The following OR13C2 variants were observed in gnomAD, a reference collection of about 807,000 sequenced individuals.
OR13C2 encodes olfactory receptor family 13 subfamily C member 2.
In OR13C2, 9 loss-of-function variants were observed where a neutral mutation model predicts 12.8. The ratio of observed to expected loss-of-function variants is 0.71; its 90% CI spans 0.43 to 1.23. The LOEUF (loss-of-function observed/expected upper bound fraction) is 1.23, where lower values mean the gene tolerates loss of function less well. Among genes scored for constraint, OR13C2 ranks in the 50% most tolerant of loss-of-function variants. OR13C2 has a pLI of 0.00. For missense variants in OR13C2, 333 were observed against 387.0 expected (o/e 0.86, Z 1.17); for synonymous variants, 110 against 138.0 (o/e 0.80, Z 1.42).
Position 104,605,573 on chromosome 9 carries a change from C to A in OR13C2, c.55G>T (p.Gly19Cys). Residue 19 changes from glycine to cysteine, a missense_variant, in exon 1 of 1, where the codon GGT becomes TGT. Gly to Cys is a radical substitution (Grantham distance 159). Transcript: ENST00000542196. ...AAGAGTAACTCAAGTCTTGGGTGAC[C>A]AGAAAGTCCCTTCAGAAAAAATTCC... ...LVEFFLKGLS[G>C]HPRLELLFFV... is the part of the protein sequence containing the mutation. The A allele has an allele frequency of 1.9e-6, 3 of 1,584,392 alleles. No individual in the cohort carries two copies. The highest frequency in any genetic ancestry group is 2.6e-6 in the Non-Finnish European group (3 of 1,168,100).
rs1463736197 is a variant in OR13C2 at position 104,604,845 on chromosome 9, C to A, written c.783G>T (p.Lys261Asn). ...FYGTILFMYMKPKSKETLNSD... is the reference protein window; with the variant it reads ...FYGTILFMYMNPKSKETLNSD... ...AATTAAGTGTCTCTTTAGACTTGGGCTTCATGTACATGAAGAGGATGGTCC... is the reference window on the plus strand; with the variant it reads ...AATTAAGTGTCTCTTTAGACTTGGGATTCATGTACATGAAGAGGATGGTCC... The change falls in exon 1 of 1, where the codon AAG becomes AAT. Residue 261 changes from lysine to asparagine, a missense_variant. Physicochemically the swap from Lys to Asn is moderately conservative, Grantham distance 94. Coordinates refer to ENST00000542196, the MANE Select transcript of OR13C2 (RefSeq NM_001004481.1). The A allele has an allele frequency of 6.2e-7, 1 of 1,613,446 alleles. No individual in the cohort carries two copies. The highest frequency in any genetic ancestry group is 8.5e-7 in the Non-Finnish European group (1 of 1,179,934).
Position 104,604,910 on chromosome 9 carries a change from T to C in OR13C2, c.718A>G (p.Thr240Ala), listed in dbSNP as rs1826311488. 4 of 1,613,462 alleles carry C rather than the reference T, an allele frequency of 2.5e-6. No individual in the cohort carries two copies. The highest frequency in any genetic ancestry group is 3.3e-5 in the Admixed American group (2 of 59,972). The change falls in exon 1 of 1, where the codon ACC becomes GCC. Residue 240 changes from threonine (T) to alanine (A), a missense_variant. By Grantham distance (58) the Thr-to-Ala change is moderately conservative. Transcript: ENST00000542196. ...SSEGRSKASS[T>A]CSAHLTVVII... is the part of the protein sequence containing the mutation. The stretch of plus-strand genomic sequence containing the variant: ...ACCACAGTCAGATGGGCTGAACAGG[T>C]AGAGGAAGCTTTGCTTCTCCCCTCG...
At position 104,604,899 on chromosome 9, in the gene OR13C2, G is replaced by A. The variant is rs765110802; in HGVS notation, c.729C>T (p.Ala243=). 7 of 1,613,554 alleles carry A rather than the reference G, an allele frequency of 4.3e-6. No homozygotes were observed. Among genetic ancestry groups the A allele is most frequent in the Non-Finnish European group, 5.9e-6 (7 of 1,179,958 alleles). The part of the protein sequence containing the change: ...GRSKASSTCS[A]HLTVVIIFYG... ...AGAATATTATGACCACAGTCAGATG[G>A]GCTGAACAGGTAGAGGAAGCTTTGC... The change falls in exon 1 of 1, where the codon GCC becomes GCT. Residue 243 remains alanine (A), a synonymous_variant. Coordinates refer to ENST00000542196, the MANE Select transcript of OR13C2 (RefSeq NM_001004481.1).
At position 104,605,080 on chromosome 9, in the gene OR13C2, G is replaced by A; in HGVS notation, c.548C>T (p.Ala183Val). ...GTCAGCACAGGCCAGTTTCATGACA[G>A]CCAGAATTTCACAGGTGAAATGATT... ...IINHFTCEIL[A>V]VMKLACADIS... Residue 183 changes from alanine to valine, a missense_variant, in exon 1 of 1, where the codon GCT becomes GTT. By Grantham distance (64) the Ala-to-Val change is moderately conservative (BLOSUM62 0). Transcript: ENST00000542196. The A allele has an allele frequency of 1.2e-6, 2 of 1,612,610 alleles. No individual in the cohort carries two copies.
At position 104,605,017 on chromosome 9, in the gene OR13C2, G is replaced by C. The variant is rs1258461346; in HGVS notation, c.611C>G (p.Thr204Arg). 1.5e-5 allele frequency: 24 copies of C among 1,613,576 alleles called. No individual in the cohort carries two copies. Among genetic ancestry groups the C allele is most frequent in the Non-Finnish European group, 1.9e-5 (23 of 1,179,978 alleles). Residue 204 changes from threonine (T) to arginine (R), a missense_variant, in exon 1 of 1, where the codon ACA (threonine) becomes AGA (arginine). Coordinates refer to ENST00000542196, the MANE Select transcript of OR13C2 (RefSeq NM_001004481.1). ...TAACAAAGGTGTCAATATGAACAAT[G>C]TTGTGGCCACAAGCATGATGAACTC... is the stretch of plus-strand genomic sequence containing the variant. Reference protein sequence around the residue: ...DNEFIMLVATTLFILTPLLLI... With the variant: ...DNEFIMLVATRLFILTPLLLI...
rs1173509687 is a variant in OR13C2, at chr9:104,605,036, T to G, written c.592A>C (p.Ile198Leu). 3.7e-6 allele frequency: 6 copies of G among 1,613,710 alleles called. No individual in the cohort carries two copies. In the South Asian group the frequency reaches 4.4e-5, roughly 12 times the overall value. ...AACAATGTTGTGGCCACAAGCATGATGAACTCATTGTCTGAGATGTCAGCA... is the reference window on the plus strand; with the variant it reads ...AACAATGTTGTGGCCACAAGCATGAGGAACTCATTGTCTGAGATGTCAGCA... ...ACADISDNEF[I>L]MLVATTLFIL... is the part of the protein sequence containing the mutation. Residue 198 changes from isoleucine (I) to leucine (L), a missense_variant, in exon 1 of 1, where the codon ATC becomes CTC. By Grantham distance (5) the Ile-to-Leu change is conservative (BLOSUM62 2). Coordinates refer to ENST00000542196, the MANE Select transcript of OR13C2 (RefSeq NM_001004481.1).
At position 104,605,146 on chromosome 9, in the gene OR13C2, A is replaced by T. The variant is rs770937262; in HGVS notation, c.482T>A (p.Val161Glu). The T allele has an allele frequency of 1.2e-6, 2 of 1,612,564 alleles. No individual in the cohort carries two copies. The highest frequency in any genetic ancestry group is 3.3e-5 in the Admixed American group (2 of 59,944). Reference sequence around the variant, plus strand: ...GCAGAAAGGCAATTGTACCACAAACACTGATTGTACTGCAGAATTGACAGC... The same window carrying T: ...GCAGAAAGGCAATTGTACCACAAACTCTGATTGTACTGCAGAATTGACAGC... Reference protein sequence around the residue: ...IGAVNSAVQSVFVVQLPFCRN... With the variant: ...IGAVNSAVQSEFVVQLPFCRN... The change falls in exon 1 of 1, where the codon GTG (valine) becomes GAG (glutamate). Residue 161 changes from valine (V) to glutamate (E), a missense_variant. Transcript: ENST00000542196.
rs145853503 is a variant in OR13C2, at chr9:104,604,982, C to T, written c.646G>A (p.Val216Ile). Residue 216 changes from valine (V) to isoleucine (I), a missense_variant, in exon 1 of 1, where the codon GTC becomes ATC. Val to Ile is a conservative substitution (Grantham distance 29). Transcript: ENST00000542196. The stretch of plus-strand genomic sequence containing the variant: ...CTCACAATGATTAACGTGTAAGAGA[C>T]AATGATTAATAACAAAGGTGTCAAT... ...FILTPLLLIIVSYTLIIVSIF... is the reference protein window; with the variant it reads ...FILTPLLLIIISYTLIIVSIF... 1.2e-6 allele frequency: 2 copies of T among 1,613,388 alleles called. No homozygotes were observed. Among genetic ancestry groups the T allele is most frequent in the African/African-American group, 2.7e-5 (2 of 74,432 alleles).
chr9:104,604,902 T>G lies in OR13C2; in HGVS notation c.726A>C (p.Ser242=). Residue 242 remains serine (S), a synonymous_variant, in exon 1 of 1, where the codon TCA becomes TCC. Coordinates refer to ENST00000542196, the MANE Select transcript of OR13C2 (RefSeq NM_001004481.1). ...ATATTATGACCACAGTCAGATGGGCTGAACAGGTAGAGGAAGCTTTGCTTC... is the reference window on the plus strand; with the variant it reads ...ATATTATGACCACAGTCAGATGGGCGGAACAGGTAGAGGAAGCTTTGCTTC... The part of the protein sequence containing the change: ...EGRSKASSTC[S]AHLTVVIIFY... 1 of 1,613,632 alleles carries G rather than the reference T, an allele frequency of 6.2e-7. No individual in the cohort carries two copies. Among genetic ancestry groups the G allele is most frequent in the Non-Finnish European group, 8.5e-7 (1 of 1,179,972 alleles).
rs768064958 is a variant in OR13C2 at position 104,604,969 on chromosome 9, A to T, written c.659T>A (p.Leu220Ter). Residue 220 changes from leucine (L) to a stop codon, truncating the protein, a stop_gained, in exon 1 of 1, where the codon TTA (leucine) becomes TAA (stop). Transcript: ENST00000542196. LOFTEE classifies it high-confidence loss of function. ...AATTTTGAAGATGCTCACAATGATT[A>T]ACGTGTAAGAGACAATGATTAATAA... ...PLLLIIVSYTLIIVSIFKISS... is the reference protein window; with the variant it reads ...PLLLIIVSYT 2.5e-6 allele frequency: 4 copies of T among 1,613,598 alleles called. No homozygotes were observed. Among genetic ancestry groups the T allele is most frequent in the Non-Finnish European group, 3.4e-6 (4 of 1,179,952 alleles).
chr9:104,605,305 C>T lies in OR13C2; in HGVS notation c.323G>A (p.Gly108Glu). 6.2e-7 allele frequency: 1 copy of T among 1,613,688 alleles called. No homozygotes were observed. The highest frequency in any genetic ancestry group is 1.1e-5 in the South Asian group (1 of 91,084). The stretch of plus-strand genomic sequence containing the variant: ...GCCCAGAAGCACACACTCTGTTGTC[C>T]CCATGGCCAAGCCGAGGAACATCTG... ...AVQMFLGLAM[G>E]TTECVLLGMM... is the part of the protein sequence containing the mutation. Residue 108 changes from glycine to glutamate, a missense_variant, in exon 1 of 1, where the codon GGG becomes GAG. Coordinates refer to ENST00000542196, the MANE Select transcript of OR13C2 (RefSeq NM_001004481.1).
chr9:104,605,021 T>C lies in OR13C2; in HGVS notation c.607A>G (p.Thr203Ala), dbSNP rs758771153. The change falls in exon 1 of 1, where the codon ACA becomes GCA. Residue 203 changes from threonine (T) to alanine (A), a missense_variant. Coordinates refer to ENST00000542196, the MANE Select transcript of OR13C2 (RefSeq NM_001004481.1). ...AAAGGTGTCAATATGAACAATGTTG[T>C]GGCCACAAGCATGATGAACTCATTG... ...SDNEFIMLVATTLFILTPLLL... is the reference protein window; with the variant it reads ...SDNEFIMLVAATLFILTPLLL... 1.2e-6 allele frequency: 2 copies of C among 1,613,696 alleles called. No individual in the cohort carries two copies. Among genetic ancestry groups the C allele is most frequent in the Non-Finnish European group, 1.7e-6 (2 of 1,179,990 alleles).
rs1367767509 is a variant in OR13C2 at position 104,605,016 on chromosome 9, T to C, written c.612A>G (p.Thr204=). Residue 204 remains threonine (T), a synonymous_variant, in exon 1 of 1, where the codon ACA becomes ACG. Coordinates refer to ENST00000542196, the MANE Select transcript of OR13C2 (RefSeq NM_001004481.1). ...ATAACAAAGGTGTCAATATGAACAA[T>C]GTTGTGGCCACAAGCATGATGAACT... is the stretch of plus-strand genomic sequence containing the variant. ...DNEFIMLVAT[T]LFILTPLLLI... 5.6e-6 allele frequency: 9 copies of C among 1,613,618 alleles called. No individual in the cohort carries two copies. Among genetic ancestry groups the C allele is most frequent in the South Asian group, 1.1e-5 (1 of 91,084 alleles).
At position 104,605,314 on chromosome 9, in the gene OR13C2, A is replaced by G; in HGVS notation, c.314T>C (p.Leu105Ser). The change falls in exon 1 of 1, where the codon TTG becomes TCG. Residue 105 changes from leucine to serine, a missense_variant. Transcript: ENST00000542196. ...SGCAVQMFLGLAMGTTECVLL... is the reference protein window; with the variant it reads ...SGCAVQMFLGSAMGTTECVLL... ...CACACACTCTGTTGTCCCCATGGCC[A>G]AGCCGAGGAACATCTGCACTGCACA... 6.2e-7 allele frequency: 1 copy of G among 1,613,710 alleles called. No individual in the cohort carries two copies. Among genetic ancestry groups the G allele is most frequent in the Non-Finnish European group, 8.5e-7 (1 of 1,180,022 alleles).
rs150330605 is a variant in OR13C2, at chr9:104,604,696, A to G, written c.932T>C (p.Leu311Pro). Residue 311 changes from leucine to proline, a missense_variant, in exon 1 of 1, where the codon CTG becomes CCG. By Grantham distance (98) the Leu-to-Pro change is moderately conservative. Coordinates refer to ENST00000542196, the MANE Select transcript of OR13C2 (RefSeq NM_001004481.1). Reference sequence around the variant, plus strand: ...TCACTTGCTAAAGAACCTTCTGTTCAGTAGGTGTTTTACTGCCTCTTTCAC... The same window carrying G: ...TCACTTGCTAAAGAACCTTCTGTTCGGTAGGTGTTTTACTGCCTCTTTCAC... ...KDVKEAVKHL[L>P]NRRFFSK is the part of the protein sequence containing the mutation. 3.0e-4 allele frequency: 476 copies of G among 1,611,746 alleles called. No individual in the cohort carries two copies. Among genetic ancestry groups the G allele is most frequent in the Non-Finnish European group, 2.8e-4 (335 of 1,178,996 alleles).
At position 104,605,455 on chromosome 9, in the gene OR13C2, G is replaced by C. The variant is rs752483489; in HGVS notation, c.173C>G (p.Pro58Arg). ...ISILDPHLHT[P>R]MYFFLGNLSF... The stretch of plus-strand genomic sequence containing the variant: ...GAGGTTCCCCAGAAAGAAGTACATA[G>C]GGGTGTGAAGGTGAGGGTCCAAGAT... Residue 58 changes from proline (P) to arginine (R), a missense_variant, in exon 1 of 1, where the codon CCT becomes CGT. Physicochemically the swap from Pro to Arg is moderately radical, Grantham distance 103. Coordinates refer to ENST00000542196, the MANE Select transcript of OR13C2 (RefSeq NM_001004481.1). The C allele has an allele frequency of 1.2e-6, 2 of 1,610,622 alleles. No individual in the cohort carries two copies. The highest frequency in any genetic ancestry group is 1.6e-4 in the Middle Eastern group (1 of 6,064).
chr9:104,604,835 T>C lies in OR13C2; in HGVS notation c.793A>G (p.Lys265Glu), dbSNP rs763989236. The C allele has an allele frequency of 6.2e-7, 1 of 1,613,486 alleles. No homozygotes were observed. Among genetic ancestry groups the C allele is most frequent in the Admixed American group, 1.7e-5 (1 of 59,990 alleles). The change falls in exon 1 of 1, where the codon AAA becomes GAA. Residue 265 changes from lysine (K) to glutamate (E), a missense_variant. Transcript: ENST00000542196. ...ILFMYMKPKS[K>E]ETLNSDDLDA... ...AAGTCATCCGAATTAAGTGTCTCTT[T>C]AGACTTGGGCTTCATGTACATGAAG...
At position 104,604,959 on chromosome 9, in the gene OR13C2, C is replaced by T. The variant is rs368226154; in HGVS notation, c.669G>A (p.Val223=). The T allele has an allele frequency of 1.9e-5, 31 of 1,613,422 alleles. No individual in the cohort carries two copies. The South Asian group carries it at 3.3e-4, about 17-fold the overall frequency. The part of the protein sequence containing the change: ...LIIVSYTLII[V]SIFKISSSEG... ...CGGAAGAGCTAATTTTGAAGATGCT[C>T]ACAATGATTAACGTGTAAGAGACAA... Residue 223 remains valine (V), a synonymous_variant, in exon 1 of 1, where the codon GTG becomes GTA. Coordinates refer to ENST00000542196, the MANE Select transcript of OR13C2 (RefSeq NM_001004481.1).
Position 104,604,878 on chromosome 9 carries a change from T to A in OR13C2, c.750A>T (p.Ile250=), listed in dbSNP as rs201815273. The change falls in exon 1 of 1, where the codon ATA becomes ATT. Residue 250 remains isoleucine (I), a synonymous_variant. Coordinates refer to ENST00000542196, the MANE Select transcript of OR13C2 (RefSeq NM_001004481.1). ...TCSAHLTVVI[I]FYGTILFMYM... ...ACATGAAGAGGATGGTCCCATAGAA[T>A]ATTATGACCACAGTCAGATGGGCTG... 567 of 1,613,518 alleles carry A rather than the reference T, an allele frequency of 3.5e-4. 1 individual carries two copies. Among genetic ancestry groups the A allele is most frequent in the Non-Finnish European group, 3.9e-4 (458 of 1,179,972 alleles).
Sources: allele counts gnomAD v4.1 joint callset, GRCh38; gene constraint gnomAD v4.1.1; transcripts MANE v1.5; gene names NCBI Gene and HGNC (gene_info 2026-07-23, HGNC 2026-07-21).